The following TNFRSF19 variants were observed in gnomAD, a reference collection of about 807,000 sequenced individuals.
TNFRSF19 encodes the protein tumor necrosis factor receptor superfamily member 19.
TNFRSF19 carries 27 observed loss-of-function variants against 46.4 expected under a neutral mutation model. That is an observed-to-expected ratio of 0.58 (90% CI 0.43 to 0.80). TNFRSF19 has a LOEUF of 0.80. TNFRSF19 is among the 30% of genes least tolerant of loss of function. The pLI is 0.00. For missense variants in TNFRSF19, 511 were observed against 530.8 expected (o/e 0.96, Z 0.37); for synonymous variants, 204 against 205.0 (o/e 1.00, Z 0.04).
chr13:23,604,258 CA>C (rs1418200986), intron 3 of TNFRSF19, among the ~76,000 whole-genome samples: 7 of 134,548 alleles, frequency 5.2e-5, no homozygotes, highest in Non-Finnish European at 9.5e-5. Context: ...TTTATATTAG[CA>C]CCCCCCCCAA....
intron 1 of TNFRSF19, among the ~76,000 whole-genome samples, chr13:23,571,763 T>C (rs1877647006): frequency 6.6e-6 from 1 of 152,058 alleles, no homozygotes; most frequent in South Asian, 2.1e-4. Context: ...TTTTTGTCAG[T>C]TCATGATACA....
intron 5 of TNFRSF19, among the ~76,000 whole-genome samples, chr13:23,633,620 G>C (rs974334843): frequency 6.6e-6 from 1 of 152,188 alleles, no homozygotes; most frequent in Admixed American, 6.5e-5. Flanking sequence ...TGGCCAAGGT[G>C]GGTGGATCAC....
At chr13:23,646,505 C>G (rs936557604) in intron 5 of TNFRSF19, among the ~76,000 whole-genome samples, 3 of 152,088 alleles carry the variant, frequency 2.0e-5, no homozygotes, top group Non-Finnish European at 4.4e-5. Flanking sequence ...TTTGCCAATT[C>G]TAGGTATCTC....
At chr13:23,616,075 T>C in intron 4 of TNFRSF19, 30 bp downstream of exon 4, 1 of 1,556,934 alleles carries the variant, frequency 6.4e-7, no homozygotes, top group Non-Finnish European at 8.7e-7. Flanking sequence ...TCACTTGTAA[T>C]TATTTAATTA....
chr13:23,629,947 C>T (rs1435199836), intron 5 of TNFRSF19, among the ~76,000 whole-genome samples: 1 of 152,106 alleles, frequency 6.6e-6, no homozygotes, highest in African/African-American at 2.4e-5. Context: ...GGCTTCACCT[C>T]CCCTGGTGGG....
intron 5 of TNFRSF19, among the ~76,000 whole-genome samples, chr13:23,631,276 A>G (rs186590452): frequency 5.8e-4 from 88 of 152,344 alleles, no homozygotes; most frequent in African/African-American, 2.1e-3. Context: ...TGCAGCATTG[A>G]TCATTACAAA....
intron 4 of TNFRSF19, among the ~76,000 whole-genome samples, chr13:23,625,591 G>A (rs2138287208): frequency 6.6e-6 from 1 of 152,214 alleles, no homozygotes; most frequent in Middle Eastern, 3.4e-3. Flanking sequence ...GCCTCCCAAA[G>A]TGCTGGGATT....
intron 1 of TNFRSF19, among the ~76,000 whole-genome samples, chr13:23,578,835 C>G (rs1593225131): frequency 1.3e-5 from 2 of 152,342 alleles, no homozygotes; most frequent in Admixed American, 6.5e-5. Context: ...AGGGTGCGGC[C>G]GTCTCGGGGC....
At chr13:23,635,676 G>A (rs143737647) in intron 5 of TNFRSF19, among the ~76,000 whole-genome samples, 2 of 152,246 alleles carry the variant, frequency 1.3e-5, no homozygotes, top group African/African-American at 4.8e-5. Flanking sequence ...ACAGAGCCTG[G>A]TCTAAAACAT....
intron 3 of TNFRSF19, among the ~76,000 whole-genome samples, chr13:23,612,172 A>G (rs976946579): frequency 1.3e-5 from 2 of 152,244 alleles, no homozygotes; most frequent in Non-Finnish European, 2.9e-5. Context: ...AAGTTTGTGA[A>G]GGCAGTGTCA....
At chr13:23,645,480 G>A (rs1883279402) in intron 5 of TNFRSF19, among the ~76,000 whole-genome samples, 1 of 152,210 alleles carries the variant, frequency 6.6e-6, no homozygotes, top group Admixed American at 6.5e-5. Flanking sequence ...GGGATTACAG[G>A]TGTGAGCCAC....
At chr13:23,648,183 TGTC>T (rs1221309794) in intron 5 of TNFRSF19, among the ~76,000 whole-genome samples, 1 of 152,224 alleles carries the variant, frequency 6.6e-6, no homozygotes, top group African/African-American at 2.4e-5. Flanking sequence ...TGGGTAGTAT[TGTC>T]ATCTTAACAA....
intron 5 of TNFRSF19, among the ~76,000 whole-genome samples, chr13:23,656,398 G>A (rs965750574): frequency 6.6e-6 from 1 of 152,168 alleles, no homozygotes; most frequent in East Asian, 1.9e-4. Flanking sequence ...GTTAGAGACA[G>A]TTCCTTTTAT....
chr13:23,645,693 G>C (rs1194968020), intron 5 of TNFRSF19, among the ~76,000 whole-genome samples: 1 of 152,008 alleles, frequency 6.6e-6, no homozygotes, highest in Non-Finnish European at 1.5e-5. Context: ...TCTTTACACT[G>C]TACACACCTA....
chr13:23,577,895 G>T (rs1275112334), intron 1 of TNFRSF19, among the ~76,000 whole-genome samples: 1 of 152,200 alleles, frequency 6.6e-6, no homozygotes, highest in African/African-American at 2.4e-5. Context: ...AGTGATGAAA[G>T]GCGGGAAGCG....
intron 1 of TNFRSF19, among the ~76,000 whole-genome samples, chr13:23,582,674 A>G (rs1878540269): frequency 6.6e-6 from 1 of 152,196 alleles, no homozygotes. Context: ...AACACACCCA[A>G]AAGTTTCCTT....
intron 3 of TNFRSF19, chr13:23,594,499 TG>T (rs1402891475): frequency 5.2e-6 from 1 of 193,848 alleles, no homozygotes; most frequent in Non-Finnish European, 1.1e-5. Flanking sequence ...AAGTTCAAAC[TG>T]GGTGGATCCC....
At chr13:23,622,540 C>T (rs1449273634) in intron 4 of TNFRSF19, among the ~76,000 whole-genome samples, 2 of 152,112 alleles carry the variant, frequency 1.3e-5, no homozygotes, top group African/African-American at 2.4e-5. Flanking sequence ...AATATATTCT[C>T]TTCGATTGTC....
chr13:23,673,879 G>A lies in TNFRSF19; in HGVS notation c.*499G>A, dbSNP rs1056395604. On this transcript the variant is annotated 3_prime_UTR_variant, in exon 10 of 10. Transcript: ENST00000248484. ...GGTTCAAAAGTGAGTGTTTCTATTT[G>A]AGAAGGACACTTTTTCATCATCTAA... 1 of 152,682 alleles carries A rather than the reference G, an allele frequency of 6.5e-6. No homozygotes were observed. The highest frequency in any genetic ancestry group is 1.5e-5 in the Non-Finnish European group (1 of 68,414). The allele number at this position is 152,682 out of a possible 1,614,324, so 9.5% of individuals were successfully genotyped here.
Sources: gnomAD v4.1 joint callset for allele counts (sites outside exome capture counted in the v4.1 genomes callset) on GRCh38, gnomAD v4.1.1 for gene constraint, MANE v1.5 for transcripts, NCBI Gene and HGNC (gene_info 2026-07-23, HGNC 2026-07-21) for gene names.